Variants in RGSL1 observed in about 807,000 individuals in gnomAD.
RGSL1 encodes regulator of G protein signaling protein-like.
In RGSL1, 97 loss-of-function variants were observed where a neutral mutation model predicts 124.7. The ratio of observed to expected loss-of-function variants is 0.78; its 90% CI spans 0.66 to 0.92. The LOEUF is 0.92. RGSL1 is among the 40% of genes least tolerant of loss of function. RGSL1 has a pLI of 0.00. For missense variants in RGSL1, 1,233 were observed against 1,288.4 expected (o/e 0.96, Z 0.66); for synonymous variants, 424 against 438.1 (o/e 0.97, Z 0.40).
At chr1:182,492,823 G>A (rs550853155) in intron 8 of RGSL1, 199 bp from the exon 9 acceptor site, 40 of 532,312 alleles carry the variant, frequency 7.5e-5, no homozygotes, top group Admixed American at 2.0e-4. Flanking sequence ...TAGAGACAGG[G>A]TTTCACCATG....
At chr1:182,559,957 T>A (rs1436268887) in intron 21 of RGSL1, among the ~76,000 whole-genome samples, 4 of 152,236 alleles carry the variant, frequency 2.6e-5, no homozygotes, top group African/African-American at 9.6e-5. Context: ...CTATTTTTAT[T>A]TGTACCTAGA....
intron 1 of RGSL1, among the ~76,000 whole-genome samples, chr1:182,451,236 G>A (rs557255427): frequency 2.1e-4 from 32 of 150,168 alleles, no homozygotes; most frequent in Middle Eastern, 6.8e-3. Context: ...AACACTTTTA[G>A]AGCCTAGAGG....
intron 6 of RGSL1, among the ~76,000 whole-genome samples, chr1:182,485,777 C>A (rs1655051374): frequency 6.6e-6 from 1 of 151,956 alleles, no homozygotes; most frequent in African/African-American, 2.4e-5. Context: ...ATTTGCATGG[C>A]CAGCAAGCTA....
At position 182,548,801 on chromosome 1, in the gene RGSL1, C is replaced by T. The variant is rs753209708; in HGVS notation, c.2910C>T (p.Pro970=). 14 of 1,551,560 alleles carry T rather than the reference C, an allele frequency of 9.0e-6. No homozygotes were observed. The highest frequency in any genetic ancestry group is 2.7e-5 in the African/African-American group (2 of 73,128). ...VFHGAIMSVF[P]VVMYFWKRFC... is the part of the protein sequence containing the mutation. ...ATGGGGCTATCATGTCTGTCTTCCC[C>T]GTTGTTATGTACTTCTGGAAAAGGT... Residue 970 remains proline (P), a synonymous_variant, in exon 17 of 22, where the codon CCC becomes CCT. Transcript: ENST00000294854.
intron 9 of RGSL1, among the ~76,000 whole-genome samples, chr1:182,508,318 G>A (rs1366390004): frequency 8.7e-5 from 4 of 45,718 alleles, no homozygotes; most frequent in African/African-American, 3.9e-4. Flanking sequence ...TTTTTTTTGA[G>A]ATGGAGTTTC....
At chr1:182,534,822 A>G (rs1659429333) in intron 14 of RGSL1, among the ~76,000 whole-genome samples, 2 of 151,568 alleles carry the variant, frequency 1.3e-5, no homozygotes, top group African/African-American at 4.8e-5. Context: ...GCGAGACTCC[A>G]TCTCAAAAAA....
intron 9 of RGSL1, among the ~76,000 whole-genome samples, chr1:182,502,438 C>G (rs61808197): frequency 1.3e-5 from 2 of 152,148 alleles, no homozygotes; most frequent in Non-Finnish European, 2.9e-5. Flanking sequence ...TAACCAGGCA[C>G]AATGGCACAT....
Position 182,493,143 on chromosome 1 carries a change from A to G in RGSL1, c.1825+14A>G. The G allele has an allele frequency of 6.7e-7, 1 of 1,502,448 alleles. No individual in the cohort carries two copies. Among genetic ancestry groups the G allele is most frequent in the Non-Finnish European group, 9.1e-7 (1 of 1,102,750 alleles). 93.1% of individuals were successfully genotyped at this position (1,502,448 alleles called of 1,614,324 possible). A position where few individuals can be genotyped will look rare whatever the true frequency, so the allele number is the denominator to read the frequency against. Reference sequence around the variant, plus strand: ...CACCTAAAATAGGCAAGTGTTTAAAATCAGGGATAGACGAGGCAACTAGGT... The same window carrying G: ...CACCTAAAATAGGCAAGTGTTTAAAGTCAGGGATAGACGAGGCAACTAGGT... On this transcript the variant is annotated intron_variant, in intron 9 of 21. Transcript: ENST00000294854.
chr1:182,520,679 G>GT (rs1188417581), intron 9 of RGSL1, among the ~76,000 whole-genome samples: 2 of 151,822 alleles, frequency 1.3e-5, no homozygotes, highest in African/African-American at 4.8e-5. Context: ...TATTGGGAGG[G>GT]TTTTTGTTTT....
chr1:182,530,122 C>G (rs548798417), intron 11 of RGSL1, 122 bp from the exon 12 acceptor site: 1 of 664,098 alleles, frequency 1.5e-6, no homozygotes, highest in African/African-American at 1.8e-5. Context: ...GGATCAGAGT[C>G]TAGCCAGATT....
intron 9 of RGSL1, among the ~76,000 whole-genome samples, chr1:182,508,145 G>A (rs535216145): frequency 1.8e-4 from 27 of 151,848 alleles, no homozygotes; most frequent in East Asian, 5.8e-4. Context: ...CATTCCTACC[G>A]ACAATGTGCA....
intron 8 of RGSL1, among the ~76,000 whole-genome samples, chr1:182,492,741 G>C (rs1308767073): frequency 6.6e-6 from 1 of 150,884 alleles, no homozygotes; most frequent in Non-Finnish European, 1.5e-5. Context: ...CCATTCTCCT[G>C]CCTCAGCCTC....
chr1:182,527,305 G>T (rs779157185), intron 10 of RGSL1, among the ~76,000 whole-genome samples: 119 of 152,202 alleles, frequency 7.8e-4, no homozygotes, highest in Non-Finnish European at 2.9e-4. Context: ...TGTAAAAAGA[G>T]AATTCCCTTG....
intron 11 of RGSL1, among the ~76,000 whole-genome samples, 156 bp from the exon 12 acceptor site, chr1:182,530,088 G>A (rs1289859430): frequency 6.6e-6 from 1 of 151,690 alleles, no homozygotes; most frequent in African/African-American, 2.4e-5. Context: ...ATATGCTTTG[G>A]AGATTTTCAA....
chr1:182,458,492 T>TG (rs1441865099), intron 3 of RGSL1, 99 bp downstream of exon 3: 20 of 1,007,730 alleles, frequency 2.0e-5, no homozygotes, highest in Admixed American at 4.3e-5. Flanking sequence ...GTTTTGGAGA[T>TG]GGGGTCTCAT....
chr1:182,468,095 G>A lies in RGSL1; in HGVS notation c.302-4301G>A, dbSNP rs537669739. 7.2e-5 allele frequency among the ~76,000 whole-genome samples: 11 copies of A among 152,218 alleles called. No homozygotes were observed. In the South Asian group the frequency reaches 1.0e-3, roughly 14 times the overall value. ...AACATCTTACACTAGTTAGAATGGC[G>A]ATCATTAAAAAGTCAGGAAACAACA... On this transcript the variant is annotated intron_variant, in intron 4 of 21. Coordinates refer to ENST00000294854, the MANE Select transcript of RGSL1 (RefSeq NM_001137669.2).
chr1:182,519,010 T>A lies in RGSL1; in HGVS notation c.1826-2994T>A, dbSNP rs537965883. 2.2e-4 allele frequency among the ~76,000 whole-genome samples: 33 copies of A among 147,398 alleles called. No individual in the cohort carries two copies. The South Asian group carries it at 6.9e-3, about 31-fold the overall frequency. On this transcript the variant is annotated intron_variant, in intron 9 of 21. Coordinates refer to ENST00000294854, the MANE Select transcript of RGSL1 (RefSeq NM_001137669.2). ...CTTTTAGTTTTCTTTTAGATTAAAA[T>A]GGGGGGGGGTAGGTCAGTAATTTCT...
intron 9 of RGSL1, among the ~76,000 whole-genome samples, chr1:182,505,341 G>A (rs562451221): frequency 3.8e-4 from 58 of 151,792 alleles, no homozygotes; most frequent in Non-Finnish European, 7.5e-4. Flanking sequence ...TACAATATGG[G>A]CTGCTGTCAT....
intron 10 of RGSL1, among the ~76,000 whole-genome samples, chr1:182,525,162 G>A (rs376627788): frequency 1.3e-5 from 2 of 152,040 alleles, no homozygotes; most frequent in African/African-American, 4.8e-5. Flanking sequence ...ATGAGGGATG[G>A]GGTGTAAATT....
Sources: allele counts gnomAD v4.1 joint callset (sites outside exome capture counted in the v4.1 genomes callset), GRCh38; gene constraint gnomAD v4.1.1; transcripts MANE v1.5; gene names NCBI Gene and HGNC (gene_info 2026-07-23, HGNC 2026-07-21).